NPAS3: variants seen among roughly 807,000 people sequenced by gnomAD.
NPAS3 encodes neuronal PAS domain-containing protein 3.
In NPAS3, 14 loss-of-function variants were observed where a neutral mutation model predicts 73.1. That is an observed-to-expected ratio of 0.19 (90% CI 0.13 to 0.30). The LOEUF is 0.30. NPAS3 is among the 10% of genes least tolerant of loss of function. The pLI is 1.00. For synonymous variants in NPAS3, 620 were observed against 541.5 expected (o/e 1.14, Z -2.01); for missense variants, 1,096 against 1,250.0 (o/e 0.88, Z 1.86).
intron 3 of NPAS3, among the ~76,000 whole-genome samples, chr14:33,362,566 T>C (rs767912571): frequency 1.3e-5 from 2 of 152,116 alleles, no homozygotes; most frequent in African/African-American, 2.4e-5. Context: ...GCCCAGGAAG[T>C]CAATGTCCAG....
At chr14:33,019,602 G>A (rs538174074) in intron 1 of NPAS3, among the ~76,000 whole-genome samples, 1 of 152,174 alleles carries the variant, frequency 6.6e-6, no homozygotes, top group Non-Finnish European at 1.5e-5. Context: ...GTGTGAAAGT[G>A]AATGATTGAT....
intron 6 of NPAS3, among the ~76,000 whole-genome samples, chr14:33,721,879 G>A (rs967818058): frequency 9.9e-5 from 15 of 152,130 alleles, no homozygotes; most frequent in African/African-American, 2.9e-4. Context: ...ATTTGTTAGG[G>A]ATAAATGCAA....
intron 6 of NPAS3, among the ~76,000 whole-genome samples, chr14:33,710,422 A>C (rs907084622): frequency 6.6e-6 from 1 of 152,202 alleles, no homozygotes; most frequent in Non-Finnish European, 1.5e-5. Flanking sequence ...TGAACCACAT[A>C]GCTTCTTATC....
At chr14:33,045,652 C>CAACTGGCTT (rs2040482823) in intron 1 of NPAS3, among the ~76,000 whole-genome samples, 1 of 152,084 alleles carries the variant, frequency 6.6e-6, no homozygotes, top group Non-Finnish European at 1.5e-5. Context: ...AAGCTTAGTT[C>CAACTGGCTT]AACTGGCAAG....
chr14:33,013,384 G>C (rs1384376820), intron 1 of NPAS3, among the ~76,000 whole-genome samples: 2 of 152,066 alleles, frequency 1.3e-5, no homozygotes, highest in African/African-American at 4.8e-5. Context: ...ATGTGTTTTG[G>C]CTCATTTTAA....
chr14:33,217,021 A>G (rs764112612), intron 3 of NPAS3, among the ~76,000 whole-genome samples: 14 of 152,230 alleles, frequency 9.2e-5, no homozygotes, highest in Non-Finnish European at 1.6e-4. Context: ...GGTTTAATTG[A>G]CACACAGTTC....
At chr14:33,435,419 C>T (rs1359842951) in intron 4 of NPAS3, among the ~76,000 whole-genome samples, 1 of 152,144 alleles carries the variant, frequency 6.6e-6, no homozygotes, top group East Asian at 1.9e-4. Context: ...TCATCCTGTA[C>T]ATAAAACCCA....
intron 4 of NPAS3, among the ~76,000 whole-genome samples, chr14:33,475,549 TAAA>T (rs5807728): frequency 5.3e-5 from 6 of 112,706 alleles, no homozygotes; most frequent in Middle Eastern, 4.6e-3. Context: ...AACTAAGATC[TAAA>T]AAAAAAAAAA....
chr14:33,173,259 G>A (rs2045462671), intron 2 of NPAS3, among the ~76,000 whole-genome samples: 1 of 152,258 alleles, frequency 6.6e-6, no homozygotes, highest in East Asian at 1.9e-4. Context: ...CAAGCTTTAT[G>A]TGCCAAGTTA....
chr14:33,044,561 G>C (rs1024722327), intron 1 of NPAS3, among the ~76,000 whole-genome samples: 1 of 152,028 alleles, frequency 6.6e-6, no homozygotes, highest in African/African-American at 2.4e-5. Context: ...TATTCACTTA[G>C]GATTTATTAA....
chr14:33,326,604 A>G (rs571971243), intron 3 of NPAS3, among the ~76,000 whole-genome samples: 122 of 152,338 alleles, frequency 8.0e-4, no homozygotes, highest in Non-Finnish European at 1.1e-3. Flanking sequence ...AGAACGTGAA[A>G]ATCTAACTGC....
At chr14:33,607,210 T>C (rs1293898437) in intron 5 of NPAS3, among the ~76,000 whole-genome samples, 1 of 152,200 alleles carries the variant, frequency 6.6e-6, no homozygotes, top group Non-Finnish European at 1.5e-5. Flanking sequence ...ACACAAAAAT[T>C]TGCCAATGAA....
chr14:33,612,316 C>A (rs909803313), intron 5 of NPAS3: 1 of 441,616 alleles, frequency 2.3e-6, no homozygotes, highest in African/African-American at 2.0e-5. Context: ...CAAAGTGTTT[C>A]AACACATCCA....
intron 1 of NPAS3, among the ~76,000 whole-genome samples, chr14:32,954,208 G>C (rs889265090): frequency 2.0e-5 from 3 of 152,010 alleles, no homozygotes; most frequent in African/African-American, 7.2e-5. Flanking sequence ...GGTTTGTTTC[G>C]GTTTAGCTGA....
intron 2 of NPAS3, among the ~76,000 whole-genome samples, chr14:33,066,790 A>T (rs2138616561): frequency 6.6e-6 from 1 of 152,316 alleles, no homozygotes; most frequent in South Asian, 2.1e-4. Context: ...GGACAACAGA[A>T]GCATTAACTC....
intron 3 of NPAS3, among the ~76,000 whole-genome samples, chr14:33,360,001 G>A (rs567358075): frequency 1.4e-4 from 21 of 152,188 alleles, no homozygotes; most frequent in Non-Finnish European, 2.1e-4. Context: ...ACCTTCTTAC[G>A]TCAAGAATGT....
rs552401153 is a variant in NPAS3, at chr14:33,671,140, G to A, written c.559-5071G>A. 1.4e-4 allele frequency among the ~76,000 whole-genome samples: 22 copies of A among 152,158 alleles called. No homozygotes were observed. The East Asian group carries it at 3.9e-3, about 27-fold the overall frequency. ...TATGGAGATAACTTACAAGATCACT[G>A]CCTACTCCTCATCTGCACCAAACCC... On this transcript the variant is annotated intron_variant, in intron 5 of 11. Coordinates refer to ENST00000356141, the Ensembl canonical transcript of NPAS3.
chr14:33,676,175 A>AT, intron 5 of NPAS3, 36 bp from the exon 6 acceptor site: 1 of 1,607,968 alleles, frequency 6.2e-7, no homozygotes, highest in Non-Finnish European at 8.5e-7. Flanking sequence ...AGCCTATATA[A>AT]TGTCTTTCCT....
chr14:33,740,639 A>G (rs1566487659), intron 7 of NPAS3, among the ~76,000 whole-genome samples: 1 of 152,228 alleles, frequency 6.6e-6, no homozygotes, highest in Non-Finnish European at 1.5e-5. Flanking sequence ...TTTTGCCTAC[A>G]AGGATATTGC....
Sources: allele counts gnomAD v4.1 joint callset (sites outside exome capture counted in the v4.1 genomes callset), GRCh38; gene constraint gnomAD v4.1.1; transcripts MANE v1.5; gene names NCBI Gene and HGNC (gene_info 2026-07-23, HGNC 2026-07-21).